The following WDR7 variants were observed in gnomAD, a reference collection of about 807,000 sequenced individuals.
WDR7 encodes WD repeat domain 7, also known as WD repeat-containing protein 7.
Under a neutral mutation model 169.4 loss-of-function variants are expected in WDR7, and 46 were observed. That is an observed-to-expected ratio of 0.27 (90% CI 0.21 to 0.35). The LOEUF is 0.35. Among genes scored for constraint, WDR7 ranks in the 10% least tolerant of loss-of-function variants. The probability of loss-of-function intolerance (pLI) is 1.00; values close to 1 mark genes in which losing one functional copy is unlikely to be tolerated. For synonymous variants in WDR7, 612 were observed against 666.8 expected (o/e 0.92, Z 1.27); for missense variants, 1,534 against 1,859.3 (o/e 0.83, Z 3.22).
At chr18:56,728,056 G>A (rs112637533) in intron 13 of WDR7, among the ~76,000 whole-genome samples, 4 of 152,140 alleles carry the variant, frequency 2.6e-5, no homozygotes, top group East Asian at 1.9e-4. Flanking sequence ...CCCAATTTCC[G>A]TTTATCTGAT....
intron 26 of WDR7, among the ~76,000 whole-genome samples, chr18:57,019,947 T>G (rs974819002): frequency 6.6e-6 from 1 of 152,244 alleles, no homozygotes; most frequent in Non-Finnish European, 1.5e-5. Context: ...ACAGGGAGAT[T>G]AATACAATAT....
At chr18:56,698,800 A>G (rs2025761905) in intron 12 of WDR7, among the ~76,000 whole-genome samples, 2 of 152,218 alleles carry the variant, frequency 1.3e-5, no homozygotes, top group South Asian at 4.1e-4. Context: ...AATGATCTAG[A>G]CAGGGAAGTC....
At chr18:56,680,253 G>C (rs1264672805) in intron 3 of WDR7, among the ~76,000 whole-genome samples, 1 of 152,136 alleles carries the variant, frequency 6.6e-6, no homozygotes, top group Non-Finnish European at 1.5e-5. Flanking sequence ...AGCTACTTAG[G>C]AGGCTGAGGT....
At chr18:56,916,634 A>AT (rs774813913) in intron 21 of WDR7, among the ~76,000 whole-genome samples, 1 of 152,184 alleles carries the variant, frequency 6.6e-6, no homozygotes. Context: ...AATGGAAACT[A>AT]TTTTTTAAAA....
At chr18:56,859,834 C>T (rs1034879691) in intron 20 of WDR7, among the ~76,000 whole-genome samples, 14 of 152,092 alleles carry the variant, frequency 9.2e-5, no homozygotes, top group Non-Finnish European at 1.9e-4. Context: ...TGTGTTATCC[C>T]GGGTAGTCCG....
chr18:56,813,751 T>C (rs933979483), intron 19 of WDR7, among the ~76,000 whole-genome samples: 4 of 152,156 alleles, frequency 2.6e-5, no homozygotes, highest in African/African-American at 7.2e-5. Context: ...GTATTTTTTT[T>C]TCTGGTGAGG....
chr18:56,822,327 A>G (rs562854816), intron 20 of WDR7, among the ~76,000 whole-genome samples: 1 of 152,350 alleles, frequency 6.6e-6, no homozygotes, highest in African/African-American at 2.4e-5. Flanking sequence ...AAACTGATAC[A>G]TTAATATGTT....
intron 2 of WDR7, among the ~76,000 whole-genome samples, chr18:56,678,564 T>C (rs1348675800): frequency 6.6e-6 from 1 of 152,110 alleles, no homozygotes; most frequent in African/African-American, 2.4e-5. Flanking sequence ...TGGAGCGATC[T>C]CGGCTCACTG....
At position 56,771,611 on chromosome 18, in the gene WDR7, G is replaced by A. The variant is rs112857157; in HGVS notation, c.2849-5171G>A. Among the ~76,000 whole-genome samples, 456 of 149,470 alleles carry A rather than the reference G, an allele frequency of 3.1e-3. 5 individuals are homozygous for A. The highest frequency in any genetic ancestry group is 0.011 in the African/African-American group (432 of 40,382). On this transcript the variant is annotated intron_variant, in intron 16 of 27. Coordinates refer to ENST00000254442, the MANE Select transcript of WDR7 (RefSeq NM_015285.3). ...AAAAAAAAAATACTGGCCGGGCACG[G>A]TGGTTCATGCCTGTAATCCTGGCAC...
intron 1 of WDR7, among the ~76,000 whole-genome samples, chr18:56,666,073 G>C (rs2025014189): frequency 6.6e-6 from 1 of 152,120 alleles, no homozygotes; most frequent in Non-Finnish European, 1.5e-5. Flanking sequence ...GCAATCCTTA[G>C]TGGTGCTGAC....
chr18:56,739,013 AT>A (rs150079134), intron 14 of WDR7, among the ~76,000 whole-genome samples: 7 of 148,306 alleles, frequency 4.7e-5, no homozygotes, highest in South Asian at 4.2e-4. Flanking sequence ...AGACTGCTGG[AT>A]TTTTTTTTTC....
chr18:56,877,307 T>G (rs1487654636), intron 20 of WDR7, among the ~76,000 whole-genome samples: 1 of 152,166 alleles, frequency 6.6e-6, no homozygotes, highest in Non-Finnish European at 1.5e-5. Flanking sequence ...AGGAGCTATT[T>G]ATAATAAATA....
rs1435546400 is a variant in WDR7 at position 56,923,984 on chromosome 18, A to G, written c.3589A>G (p.Ile1197Val). ...PSPKLPPHST[I>V]RRTAIDLIGR... ...CCCCAAACTTCCTCCACACAGCACT[A>G]TCCGAAGAACAGCCATTGATCTGAT... Residue 1197 changes from isoleucine to valine, a missense_variant, in exon 22 of 28, where the codon ATC becomes GTC. Ile to Val is a conservative substitution (Grantham distance 29). Coordinates refer to ENST00000254442, the MANE Select transcript of WDR7 (RefSeq NM_015285.3). 1 of 1,611,730 alleles carries G rather than the reference A, an allele frequency of 6.2e-7. No individual in the cohort carries two copies. The highest frequency in any genetic ancestry group is 2.2e-5 in the East Asian group (1 of 44,744).
intron 20 of WDR7, among the ~76,000 whole-genome samples, chr18:56,834,102 G>A (rs1166393202): frequency 6.6e-6 from 1 of 152,168 alleles, no homozygotes; most frequent in Non-Finnish European, 1.5e-5. Context: ...GCTCCTAGAG[G>A]CCATCCTCAG....
At chr18:56,978,084 C>T (rs2047592738) in intron 26 of WDR7, among the ~76,000 whole-genome samples, 1 of 152,174 alleles carries the variant, frequency 6.6e-6, no homozygotes, top group African/African-American at 2.4e-5. Flanking sequence ...GCCATTATAC[C>T]TATACAGCAG....
At chr18:56,820,376 CTAGA>C (rs1392897207) in intron 20 of WDR7, among the ~76,000 whole-genome samples, 1 of 112,482 alleles carries the variant, frequency 8.9e-6, no homozygotes, top group African/African-American at 3.6e-5. Flanking sequence ...CACCTTGATA[CTAGA>C]TCAGCAGCAC....
chr18:56,940,177 T>A (rs909362430), intron 25 of WDR7, among the ~76,000 whole-genome samples: 1 of 152,158 alleles, frequency 6.6e-6, no homozygotes, highest in African/African-American at 2.4e-5. Flanking sequence ...CAGTTATTCA[T>A]AGTTATATAA....
rs1442959901 is a variant in WDR7 at position 56,686,929 on chromosome 18, A to G, written c.672A>G (p.Ala224=). ...CQNCQSISFC[A]FTQRSLLVVC... is the part of the protein sequence containing the mutation. ...ATTGCCAAAGCATCTCTTTTTGTGC[A>G]TTTACACAAAGGTCACTTTTGGTTG... The change falls in exon 7 of 28, where the codon GCA becomes GCG. Residue 224 remains alanine, a synonymous_variant. Transcript: ENST00000254442. 4.3e-6 allele frequency: 7 copies of G among 1,611,746 alleles called. No individual in the cohort carries two copies. Among genetic ancestry groups the G allele is most frequent in the Non-Finnish European group, 5.9e-6 (7 of 1,178,148 alleles).
chr18:56,836,490 G>A (rs962608675), intron 20 of WDR7, among the ~76,000 whole-genome samples: 4 of 152,088 alleles, frequency 2.6e-5, no homozygotes, highest in Admixed American at 6.5e-5. Context: ...TTTAATTTGC[G>A]TTTAACTACT....
Sources: gnomAD v4.1 joint callset for allele counts (sites outside exome capture counted in the v4.1 genomes callset) on GRCh38, gnomAD v4.1.1 for gene constraint, MANE v1.5 for transcripts, NCBI Gene and HGNC (gene_info 2026-07-23, HGNC 2026-07-21) for gene names.